Variants in VRK1 observed in about 807,000 individuals in gnomAD.
VRK1 encodes the protein serine/threonine-protein kinase VRK1.
Under a neutral mutation model 57.1 loss-of-function variants are expected in VRK1, and 33 were observed. The ratio of observed to expected loss-of-function variants is 0.58; its 90% CI spans 0.44 to 0.77. The LOEUF (loss-of-function observed/expected upper bound fraction) is 0.77. Among genes scored for constraint, VRK1 ranks in the 30% least tolerant of loss-of-function variants. The probability of loss-of-function intolerance (pLI) is 0.00; values close to 1 mark genes in which losing one functional copy is unlikely to be tolerated. For missense variants in VRK1, 413 were observed against 477.3 expected, an observed-to-expected ratio of 0.87 and a Z score of 1.25; for synonymous variants, 137 against 147.8, an observed-to-expected ratio of 0.93 and a Z score of 0.53.
intron 3 of VRK1, among the ~76,000 whole-genome samples, chr14:96,845,588 A>T (rs1887650914): frequency 6.6e-6 from 1 of 152,160 alleles, no homozygotes; most frequent in Non-Finnish European, 1.5e-5. Flanking sequence ...TGTTCAGGAG[A>T]TGCATAATAT....
intron 12 of VRK1, among the ~76,000 whole-genome samples, chr14:96,880,038 T>C (rs2139854989): frequency 6.6e-6 from 1 of 152,196 alleles, no homozygotes; most frequent in South Asian, 2.1e-4. Context: ...AGAAAAAAAC[T>C]CAAATTTTAG....
At chr14:96,881,121 T>C (rs1432919818) in intron 12 of VRK1, 56 bp from the exon 13 acceptor site, 4 of 1,444,658 alleles carry the variant, frequency 2.8e-6, no homozygotes, top group Non-Finnish European at 3.8e-6. Flanking sequence ...ATTTCTGTTC[T>C]TTTGCTTTTG....
chr14:96,872,097 G>C (rs1294878960), intron 11 of VRK1, among the ~76,000 whole-genome samples: 2 of 152,126 alleles, frequency 1.3e-5, no homozygotes, highest in Non-Finnish European at 2.9e-5. Flanking sequence ...GAGCTACTGC[G>C]CCGGGCCTCT....
intron 11 of VRK1, among the ~76,000 whole-genome samples, chr14:96,865,848 A>G (rs1297567398): frequency 6.7e-6 from 1 of 150,246 alleles, no homozygotes; most frequent in African/African-American, 2.5e-5. Flanking sequence ...GTTTTTTACT[A>G]TTCCTAATAT....
At position 96,864,685 on chromosome 14, in the gene VRK1, C is replaced by G. The variant is rs961493344; in HGVS notation, c.1068+3950C>G. ...GGGTTTGTAGATATTGCCAATTTTC[C>G]AAAGCTGCTCTCTCAGCTTACATTC... On this transcript the variant is annotated intron_variant, in intron 11 of 12. Transcript: ENST00000216639. Among the ~76,000 whole-genome samples the G allele has an allele frequency of 6.6e-5, 10 of 152,110 alleles. No individual in the cohort carries two copies. In the East Asian group the frequency reaches 1.9e-3, roughly 29 times the overall value.
At chr14:96,820,332 G>A (rs985626165) in intron 1 of VRK1, among the ~76,000 whole-genome samples, 1 of 151,966 alleles carries the variant, frequency 6.6e-6, no homozygotes, top group South Asian at 2.1e-4. Flanking sequence ...AATGGTCAAC[G>A]TTGAGTTCTT....
chr14:96,817,519 C>T (rs1444877528), intron 1 of VRK1, among the ~76,000 whole-genome samples: 1 of 151,620 alleles, frequency 6.6e-6, no homozygotes, highest in East Asian at 1.9e-4. Context: ...TTTTAATGAC[C>T]ACAGTACACT....
intron 5 of VRK1, among the ~76,000 whole-genome samples, chr14:96,848,518 G>A (rs1887806977): frequency 6.6e-6 from 1 of 152,116 alleles, no homozygotes; most frequent in Non-Finnish European, 1.5e-5. Flanking sequence ...GTTTACTTGG[G>A]ATCCATGCCT....
At chr14:96,855,160 C>T in intron 7 of VRK1, 64 bp from the exon 8 acceptor site, 2 of 1,611,882 alleles carry the variant, frequency 1.2e-6, no homozygotes, top group Non-Finnish European at 1.7e-6. Flanking sequence ...TGTTTCTGTG[C>T]TTTAAAGGGT....
At chr14:96,832,783 C>T (rs1205099976) in intron 1 of VRK1, among the ~76,000 whole-genome samples, 4 of 149,490 alleles carry the variant, frequency 2.7e-5, no homozygotes, top group Non-Finnish European at 4.4e-5. Context: ...CACAGTTTTT[C>T]CTGTCACTCT....
intron 11 of VRK1, among the ~76,000 whole-genome samples, chr14:96,869,322 A>AT (rs1888720486): frequency 6.6e-6 from 1 of 152,236 alleles, no homozygotes; most frequent in Non-Finnish European, 1.5e-5. Context: ...TGATAAGAAA[A>AT]TAACATGGAA....
At chr14:96,860,801 A>G (rs1888359851) in intron 11 of VRK1, 66 bp downstream of exon 11, 1 of 1,548,288 alleles carries the variant, frequency 6.5e-7, no homozygotes, top group South Asian at 1.1e-5. Context: ...ATACTAAAAG[A>G]AAGTATAGCA....
chr14:96,830,922 C>A (rs910911803), intron 1 of VRK1, among the ~76,000 whole-genome samples: 1 of 152,216 alleles, frequency 6.6e-6, no homozygotes, highest in Non-Finnish European at 1.5e-5. Flanking sequence ...TCATCCCTAG[C>A]AGTTTCTCCT....
At chr14:96,847,447 G>A (rs45615232) in intron 5 of VRK1, 103 bp downstream of exon 5, 96 of 885,796 alleles carry the variant, frequency 1.1e-4, no homozygotes, top group Non-Finnish European at 1.6e-4. Context: ...ATATTACTAG[G>A]CCTCCCTCTG....
chr14:96,801,516 G>A (rs1885660091), intron 1 of VRK1, among the ~76,000 whole-genome samples: 1 of 151,960 alleles, frequency 6.6e-6, no homozygotes, highest in African/African-American at 2.4e-5. Flanking sequence ...ATGTAATTTG[G>A]CAACAGCTAT....
chr14:96,837,417 A>C, intron 2 of VRK1, among the ~76,000 whole-genome samples: 1 of 152,168 alleles, frequency 6.6e-6, no homozygotes, highest in East Asian at 1.9e-4. Flanking sequence ...AAATTTAAGA[A>C]ATGTATTACT....
intron 1 of VRK1, 122 bp from the exon 2 acceptor site, chr14:96,833,345 T>C (rs927689462): frequency 3.6e-6 from 4 of 1,103,304 alleles, no homozygotes; most frequent in Admixed American, 2.2e-5. Flanking sequence ...ACAGGTATCC[T>C]TTAAGTTTTG....
At chr14:96,855,452 A>G in intron 8 of VRK1, 96 bp downstream of exon 8, 3 of 1,588,346 alleles carry the variant, frequency 1.9e-6, no homozygotes, top group Non-Finnish European at 2.6e-6. Context: ...TGAATAGATA[A>G]ATAAAAATTG....
chr14:96,811,452 AG>A (rs1276390843), intron 1 of VRK1, among the ~76,000 whole-genome samples: 1 of 152,214 alleles, frequency 6.6e-6, no homozygotes, highest in Admixed American at 6.5e-5. Flanking sequence ...CACAGCATAG[AG>A]TTTCATGAAT....
Sources: gnomAD v4.1 joint callset for allele counts (sites outside exome capture counted in the v4.1 genomes callset) on GRCh38, gnomAD v4.1.1 for gene constraint, MANE v1.5 for transcripts, NCBI Gene and HGNC (gene_info 2026-07-23, HGNC 2026-07-21) for gene names.